The following GPR4 variants were observed in gnomAD, a reference collection of about 807,000 sequenced individuals.
The protein encoded by GPR4 is G protein-coupled receptor 4, also known as G-prodeshotein coupled receptor 4.
In GPR4, 11 loss-of-function variants were observed where a neutral mutation model predicts 17.8. The observed-to-expected ratio is 0.62, with a 90% CI of 0.39 to 1.02. The LOEUF (loss-of-function observed/expected upper bound fraction) is 1.02. Among genes scored for constraint, GPR4 ranks in the 50% least tolerant of loss-of-function variants. GPR4 has a pLI of 0.00. For synonymous variants in GPR4, 219 were observed against 222.8 expected (o/e 0.98, Z 0.15); for missense variants, 364 against 495.4 (o/e 0.73, Z 2.52).
Position 45,590,565 on chromosome 19 carries a change from T to A in GPR4, c.*213A>T. 1.9e-6 allele frequency: 1 copy of A among 530,854 alleles called. No homozygotes were observed. Among genetic ancestry groups the A allele is most frequent in the Non-Finnish European group, 3.3e-6 (1 of 307,618 alleles). The allele number at this position is 530,854 out of a possible 1,614,324, so 32.9% of individuals were successfully genotyped here. ...CAAAAAAATATATTTACTCATCTCC[T>A]CCTTCAGGAGGCCCTCCACAATCGC... On this transcript the variant is annotated 3_prime_UTR_variant, in exon 2 of 2. Coordinates refer to ENST00000323040, the MANE Select transcript of GPR4 (RefSeq NM_005282.3).
intron 1 of GPR4, among the ~76,000 whole-genome samples, chr19:45,598,324 A>G (rs1388540474): frequency 1.3e-5 from 2 of 152,040 alleles, no homozygotes; most frequent in African/African-American, 4.8e-5. Flanking sequence ...CCGGTTCTTC[A>G]TGGCAGGAGA....
chr19:45,599,426 AC>A lies in GPR4; in HGVS notation c.-832+2668del, dbSNP rs374400386. Among the ~76,000 whole-genome samples, 501 of 79,612 alleles carry A rather than the reference AC, an allele frequency of 6.3e-3. 3 individuals carry two copies. The highest frequency in any genetic ancestry group is 2.7e-3 in the African/African-American group (55 of 20,628). 52.2% of individuals were successfully genotyped at this position (79,612 alleles called of 152,430 possible). ...TCCTCTGTGGGCTCCTGCTCCCACC[AC>A]CCCCCCCTCCCCGCCTTCTCCCTGC... is the stretch of plus-strand genomic sequence containing the variant. On this transcript the variant is annotated intron_variant, in intron 1 of 1. Transcript: ENST00000323040.
intron 1 of GPR4, among the ~76,000 whole-genome samples, chr19:45,593,904 G>A (rs1970024932): frequency 6.7e-6 from 1 of 150,348 alleles, no homozygotes; most frequent in East Asian, 1.9e-4. Flanking sequence ...TTTTGAGACA[G>A]GGTCTTGCTC....
Position 45,593,830 on chromosome 19 carries a change from C to T in GPR4, c.-831-1133G>A, listed in dbSNP as rs568174673. Among the ~76,000 whole-genome samples, 7 of 151,828 alleles carry T rather than the reference C, an allele frequency of 4.6e-5. No homozygotes were observed. In the South Asian group the frequency reaches 1.2e-3, roughly 27 times the overall value. Reference sequence around the variant, plus strand: ...AATAACAGCAAACGTTAATTGAGCCCTACTACATAGCAGATCCCATTCCAG... The same window carrying T: ...AATAACAGCAAACGTTAATTGAGCCTTACTACATAGCAGATCCCATTCCAG... On this transcript the variant is annotated intron_variant, in intron 1 of 1. Coordinates refer to ENST00000323040, the MANE Select transcript of GPR4 (RefSeq NM_005282.3).
chr19:45,598,134 G>C (rs1422544801), intron 1 of GPR4, among the ~76,000 whole-genome samples: 1 of 152,004 alleles, frequency 6.6e-6, no homozygotes, highest in African/African-American at 2.4e-5. Flanking sequence ...GTGACATTTA[G>C]AGAATTAGGT....
intron 1 of GPR4, among the ~76,000 whole-genome samples, chr19:45,595,868 C>A (rs1204648071): frequency 6.6e-6 from 1 of 152,094 alleles, no homozygotes; most frequent in East Asian, 1.9e-4. Flanking sequence ...CCAGGATGCA[C>A]TTTTAAAACA....
rs1970007257 is a variant in GPR4, at chr19:45,592,375, G to C, written c.-509C>G. 1 of 167,702 alleles carries C rather than the reference G, an allele frequency of 6.0e-6. No homozygotes were observed. The allele number at this position is 167,702 out of a possible 1,614,324, so 10.4% of individuals were successfully genotyped here. ...AGATAGGACACAGCGCAGTTAGGGA[G>C]TGTTGGAAAGTTCAGGCAATGTGGG... On this transcript the variant is annotated 5_prime_UTR_variant, in exon 2 of 2. Transcript: ENST00000323040.
chr19:45,601,068 T>C (rs1171845650), intron 1 of GPR4, among the ~76,000 whole-genome samples: 4 of 142,552 alleles, frequency 2.8e-5, no homozygotes, highest in Non-Finnish European at 3.1e-5. Context: ...AAGACAGAGG[T>C]GGGGGCGGAT....
intron 1 of GPR4, among the ~76,000 whole-genome samples, chr19:45,598,027 C>A (rs1012090541): frequency 6.6e-6 from 1 of 152,038 alleles, no homozygotes; most frequent in African/African-American, 2.4e-5. Flanking sequence ...CCACTTGAAA[C>A]CTCCCACCCA....
At position 45,591,496 on chromosome 19, in the gene GPR4, C is replaced by A. The variant is rs764165492; in HGVS notation, c.371G>T (p.Arg124Leu). ...CTTGACGCGGCGCAGGCGGGCGAAG[C>A]GGAGTGGGTGGGCCACAGCCAGGTA... ...DRYLAVAHPL[R>L]FARLRRVKTA... The change falls in exon 2 of 2, where the codon CGC (arginine) becomes CTC (leucine). Residue 124 changes from arginine to leucine, a missense_variant. Around this residue, in one of 3 missense-constraint regions of GPR4, gnomAD observed 271 missense variants for 373.1 expected, o/e 0.73. Coordinates refer to ENST00000323040, the MANE Select transcript of GPR4 (RefSeq NM_005282.3). This position sits in a 1 kb window ranked among gnomAD's most constrained non-coding sequence, Gnocchi z 7.6. 5 of 1,610,996 alleles carry A rather than the reference C, an allele frequency of 3.1e-6. No individual in the cohort carries two copies. The highest frequency in any genetic ancestry group is 2.2e-5 in the East Asian group (1 of 44,856).
intron 1 of GPR4, among the ~76,000 whole-genome samples, chr19:45,600,114 A>T (rs1420931914): frequency 6.6e-6 from 1 of 152,128 alleles, no homozygotes; most frequent in Non-Finnish European, 1.5e-5. Context: ...CTAAGAAATT[A>T]TGGCTTCATG....
chr19:45,590,928 G>A lies in GPR4; in HGVS notation c.939C>T (p.Pro313=), dbSNP rs1331899071. The A allele has an allele frequency of 6.2e-7, 1 of 1,614,108 alleles. No individual in the cohort carries two copies. Among genetic ancestry groups the A allele is most frequent in the Non-Finnish European group, 8.5e-7 (1 of 1,180,038 alleles). The change falls in exon 2 of 2, where the codon CCC becomes CCT. Residue 313 remains proline, a synonymous_variant. Transcript: ENST00000323040. ...NLLRFLASDK[P]QEMANASLTL... ...TGAGCGAGGCATTGGCCATCTCCTG[G>A]GGCTTGTCGCTGGCCAGAAAGCGGA...
Position 45,592,007 on chromosome 19 carries a change from G to A in GPR4, c.-141C>T, listed in dbSNP as rs1970002926. On this transcript the variant is annotated 5_prime_UTR_variant, in exon 2 of 2. Transcript: ENST00000323040. ...GGTGGGATGTGGTCTACAGGGAAGA[G>A]ATGAGGTTGGGTAGGCTGGGCTGGG... 3.4e-6 allele frequency: 3 copies of A among 890,620 alleles called. No homozygotes were observed. The highest frequency in any genetic ancestry group is 5.0e-6 in the Non-Finnish European group (3 of 604,260). The allele number at this position is 890,620 out of a possible 1,614,324, so 55.2% of individuals were successfully genotyped here. A position where few individuals can be genotyped will look rare whatever the true frequency, so the allele number is the denominator to read the frequency against.
At chr19:45,596,946 C>G (rs556110619) in intron 1 of GPR4, among the ~76,000 whole-genome samples, 3 of 152,214 alleles carry the variant, frequency 2.0e-5, no homozygotes, top group Non-Finnish European at 4.4e-5. Context: ...TCTGTCTGAC[C>G]TGCTGGGGCA....
Position 45,592,281 on chromosome 19 carries a change from T to A in GPR4, c.-415A>T, listed in dbSNP as rs576140637. The A allele has an allele frequency of 4.4e-4, 81 of 182,768 alleles. No homozygotes were observed. Among genetic ancestry groups the A allele is most frequent in the African/African-American group, 1.9e-3 (81 of 42,020 alleles). The allele number at this position is 182,768 out of a possible 1,614,324, so 11.3% of individuals were successfully genotyped here. On this transcript the variant is annotated 5_prime_UTR_variant, in exon 2 of 2. Transcript: ENST00000323040. Reference sequence around the variant, plus strand: ...TTGCAGGGCAATTAGGAAGTATGTGTAGCCATATTGAAGTAATAATGGCGG... The same window carrying A: ...TTGCAGGGCAATTAGGAAGTATGTGAAGCCATATTGAAGTAATAATGGCGG...
In GPR4 at chr19:45,590,804, GCTGCAC is replaced by G. The variant is rs1212390779; in HGVS notation, c.1057_1062del (p.Val353_Gln354del). The G allele has an allele frequency of 6.3e-7, 1 of 1,584,354 alleles. No individual in the cohort carries two copies. Among genetic ancestry groups the G allele is most frequent in the South Asian group, 1.2e-5 (1 of 86,788 alleles). On this transcript the variant is annotated inframe_deletion, in exon 2 of 2. Transcript: ENST00000323040. ...CATTGTGCTGGCGGCAGCATCTTCA[GCTGCAC>G]CTGGTCCCCCTGGGAGGGCGGAGTG...
Position 45,591,415 on chromosome 19 carries a change from G to C in GPR4, c.452C>G (p.Ala151Gly). ...GAAGAGCTCGTCATGGAACAGGGGC[G>C]CCGAGTTGGCGCCCAGCTCCGTGGC... ...VWATELGANS[A>G]PLFHDELFRD... Residue 151 changes from alanine to glycine, a missense_variant, in exon 2 of 2, where the codon GCG (alanine) becomes GGG (glycine). Transcript: ENST00000323040. The surrounding 1 kb of genome is among the most constrained non-coding windows in gnomAD (Gnocchi z 7.6). 1 of 1,607,484 alleles carries C rather than the reference G, an allele frequency of 6.2e-7. No homozygotes were observed. The highest frequency in any genetic ancestry group is 8.5e-7 in the Non-Finnish European group (1 of 1,178,404).
In GPR4 at chr19:45,591,566, T is replaced by TATTGG. The variant is rs765296318; in HGVS notation, c.296_300dup (p.Ile101ProfsTer39). On this transcript the variant is annotated frameshift_variant, in exon 2 of 2. Transcript: ENST00000323040. LOFTEE classifies it high-confidence loss of function. This position sits in a 1 kb window ranked among gnomAD's most constrained non-coding sequence, Gnocchi z 7.6. ...CACAGGAAGGCGATGCTGATGTAGA[T>TATTGG]ATTGGTGTAGAAGATGAACCCAAAG... 6.2e-7 allele frequency: 1 copy of TATTGG among 1,613,382 alleles called. No individual in the cohort carries two copies. Among genetic ancestry groups the TATTGG allele is most frequent in the Admixed American group, 1.7e-5 (1 of 59,948 alleles).
chr19:45,594,078 A>ATTT lies in GPR4; in HGVS notation c.-831-1382_-831-1381insAAA, dbSNP rs1555738342. Among the ~76,000 whole-genome samples, 29 of 74,574 alleles carry ATTT rather than the reference A, an allele frequency of 3.9e-4. 3 individuals are homozygous for ATTT. The highest frequency in any genetic ancestry group is 2.0e-3 in the African/African-American group (24 of 12,242). The allele number at this position is 74,574 out of a possible 152,430, so 48.9% of individuals were successfully genotyped here. ...AAAAAAAAAAAATATATATATATAT[A>ATTT]TATATATATATATATAAAATAGATG... On this transcript the variant is annotated intron_variant, in intron 1 of 1. Coordinates refer to ENST00000323040, the MANE Select transcript of GPR4 (RefSeq NM_005282.3).
Sources: gnomAD v4.1 joint callset for allele counts (sites outside exome capture counted in the v4.1 genomes callset) on GRCh38, gnomAD v4.1.1 for gene constraint, gnomAD v4.1.1 regional missense constraint, Gnocchi (gnomAD v3.1) non-coding constraint, MANE v1.5 for transcripts, NCBI Gene and HGNC (gene_info 2026-07-23, HGNC 2026-07-21) for gene names.